The following COL6A5 variants were observed in gnomAD, a reference collection of about 807,000 sequenced individuals.
COL6A5 encodes the protein collagen type VI alpha 5 chain, also known as collagen alpha-5(VI) chain.
Under a neutral mutation model 65.6 loss-of-function variants are expected in COL6A5, and 48 were observed. The observed-to-expected ratio is 0.73, with a 90% CI of 0.58 to 0.93. The LOEUF (loss-of-function observed/expected upper bound fraction) is 0.93. Ranked by LOEUF, COL6A5 falls within the 40% of genes least tolerant of loss-of-function variation. COL6A5 has a pLI of 0.00. For missense variants in COL6A5, 914 were observed against 928.3 expected, an observed-to-expected ratio of 0.98 and a Z score of 0.20; for synonymous variants, 291 against 322.8, an observed-to-expected ratio of 0.90 and a Z score of 1.05.
chr3:130,460,433 C>T (rs1709676649), intron 5 of COL6A5, among the ~76,000 whole-genome samples: 1 of 152,042 alleles, frequency 6.6e-6, no homozygotes, highest in Non-Finnish European at 1.5e-5. Context: ...TGAATGTAAA[C>T]TGGGGGTTCA....
intron 1 of COL6A5, among the ~76,000 whole-genome samples, chr3:130,372,358 C>T (rs1310099222): frequency 3.3e-5 from 5 of 151,890 alleles, no homozygotes; most frequent in Non-Finnish European, 7.4e-5. Flanking sequence ...CCAGCATGTA[C>T]ATAAGTGTTC....
chr3:130,458,576 A>G (rs1479844141), intron 5 of COL6A5, among the ~76,000 whole-genome samples: 1 of 152,168 alleles, frequency 6.6e-6, no homozygotes, highest in Non-Finnish European at 1.5e-5. Flanking sequence ...TTTAAGGGCC[A>G]CTGCATGTTT....
At chr3:130,433,518 G>T (rs777669934) in intron 1 of COL6A5, among the ~76,000 whole-genome samples, 6 of 152,048 alleles carry the variant, frequency 3.9e-5, no homozygotes, top group East Asian at 1.9e-4. Flanking sequence ...TGCATATCAC[G>T]CCTTGAGCAG....
exon 4 of COL6A5, chr3:130,379,578 G>A: frequency 1.9e-6 from 3 of 1,551,454 alleles, no homozygotes; most frequent in Non-Finnish European, 1.7e-6. Context: ...GACTTGGACT[G>A]ATGAGTTACA....
At chr3:130,391,900 GA>G in intron 7 of COL6A5, 146 bp downstream of exon 7, 2 of 685,120 alleles carry the variant, frequency 2.9e-6, no homozygotes, top group Non-Finnish European at 4.8e-6. Flanking sequence ...ATCTCTAAAA[GA>G]AATGGGTTGA....
intron 5 of COL6A5, among the ~76,000 whole-genome samples, chr3:130,459,242 A>G (rs567791179): frequency 6.6e-6 from 1 of 152,216 alleles, no homozygotes; most frequent in East Asian, 1.9e-4. Flanking sequence ...GAGCCTTCAG[A>G]CTAAGCTGGA....
At chr3:130,385,669 G>T (rs1230302325) in intron 5 of COL6A5, among the ~76,000 whole-genome samples, 2 of 151,622 alleles carry the variant, frequency 1.3e-5, no homozygotes, top group Non-Finnish European at 2.9e-5. Context: ...TGCATGGGAG[G>T]TGTGTGTGTG....
At chr3:130,467,085 A>C (rs1709835436) in intron 5 of COL6A5, among the ~76,000 whole-genome samples, 1 of 152,052 alleles carries the variant, frequency 6.6e-6, no homozygotes, top group Non-Finnish European at 1.5e-5. Flanking sequence ...AATATTTCAC[A>C]ACTGACTTAC....
upstream of COL6A5, among the ~76,000 whole-genome samples, chr3:130,429,099 CA>C: frequency 6.6e-6 from 1 of 152,196 alleles, no homozygotes; most frequent in Non-Finnish European, 1.5e-5. Context: ...TTATCAAAGA[CA>C]AAATTCACTT....
chr3:130,395,945 T>A (rs1337849808), intron 8 of COL6A5, among the ~76,000 whole-genome samples: 2 of 152,112 alleles, frequency 1.3e-5, no homozygotes, highest in Non-Finnish European at 2.9e-5. Context: ...CTTTTAATGA[T>A]TACATTCATA....
chr3:130,400,130 C>T (rs552296480), intron 10 of COL6A5, among the ~76,000 whole-genome samples: 7 of 152,250 alleles, frequency 4.6e-5, no homozygotes, highest in East Asian at 1.9e-4. Context: ...CTTACCTCCC[C>T]GGGTACTCTC....
chr3:130,426,218 T>A (rs1346773036), exon 30 of COL6A5: 1 of 1,551,242 alleles, frequency 6.4e-7, no homozygotes, highest in East Asian at 2.4e-5. Context: ...TCCTAGGGCA[T>A]TAAAGGCATG....
At chr3:130,402,307 A>C (rs769293849) in intron 12 of COL6A5, among the ~76,000 whole-genome samples, 16 of 152,244 alleles carry the variant, frequency 1.1e-4, no homozygotes, top group Non-Finnish European at 2.2e-4. Flanking sequence ...GTGCTTCATC[A>C]GTAACAGAAT....
intron 30 of COL6A5, 31 bp downstream of exon 30, chr3:130,426,280 T>C: frequency 6.4e-7 from 1 of 1,550,966 alleles, no homozygotes; most frequent in Admixed American, 2.0e-5. Context: ...GAAAGAAAAC[T>C]CAATAAGTTC....
chr3:130,391,063 A>T, intron 6 of COL6A5, 116 bp from the exon 7 acceptor site: 2 of 720,000 alleles, frequency 2.8e-6, no homozygotes, highest in Non-Finnish European at 4.6e-6. Flanking sequence ...ACTAAGTGAG[A>T]TATAGTGTCT....
At chr3:130,359,312 C>T (rs1359768198) in intron 1 of COL6A5, among the ~76,000 whole-genome samples, 1 of 151,966 alleles carries the variant, frequency 6.6e-6, no homozygotes, top group Non-Finnish European at 1.5e-5. Flanking sequence ...TAACAACTTG[C>T]TACCTAATAA....
At chr3:130,400,818 G>A (rs1355334722) in intron 10 of COL6A5, among the ~76,000 whole-genome samples, 4 of 152,274 alleles carry the variant, frequency 2.6e-5, no homozygotes, top group African/African-American at 4.8e-5. Flanking sequence ...GATTTCATGC[G>A]ACGGTCAGGG....
At chr3:130,348,584 T>C (rs756900445) in intron 1 of COL6A5, among the ~76,000 whole-genome samples, 9 of 151,940 alleles carry the variant, frequency 5.9e-5, no homozygotes, top group Non-Finnish European at 1.0e-4. Context: ...TCAATAAACA[T>C]GTGTGCATGT....
chr3:130,483,997 A>G (rs1710315354), intron 7 of COL6A5, 38 bp from the exon 41 acceptor site: 5 of 1,589,174 alleles, frequency 3.1e-6, no homozygotes, highest in South Asian at 1.1e-5. Context: ...AACAAATACA[A>G]TGACATTAAA....
Sources: gnomAD v4.1 joint callset for allele counts (sites outside exome capture counted in the v4.1 genomes callset) on GRCh38, gnomAD v4.1.1 for gene constraint, MANE v1.5 for transcripts, NCBI Gene and HGNC (gene_info 2026-07-23, HGNC 2026-07-21) for gene names.